The following CHST9 variants were observed in gnomAD, a reference collection of about 807,000 sequenced individuals.
The protein encoded by CHST9 is carbohydrate sulfotransferase 9.
A neutral mutation model predicts 44.4 loss-of-function variants in CHST9; 41 were observed. The ratio of observed to expected loss-of-function variants is 0.92; its 90% CI spans 0.72 to 1.20. CHST9 has a LOEUF of 1.20. Among genes scored for constraint, CHST9 ranks in the 50% most tolerant of loss-of-function variants. The pLI is 0.00. For missense variants in CHST9, 504 were observed against 516.5 expected (o/e 0.98, Z 0.23); for synonymous variants, 171 against 178.4 (o/e 0.96, Z 0.33).
chr18:27,035,437 T>C (rs2057380959), intron 3 of CHST9, among the ~76,000 whole-genome samples: 1 of 152,164 alleles, frequency 6.6e-6, no homozygotes, highest in South Asian at 2.1e-4. Context: ...ATGGAAACAA[T>C]CTAAATGTCT....
chr18:26,965,805 G>A lies in CHST9; in HGVS notation c.203-21439C>T, dbSNP rs549510236. Among the ~76,000 whole-genome samples, 25 of 152,274 alleles carry A rather than the reference G, an allele frequency of 1.6e-4. No homozygotes were observed. The South Asian group carries it at 3.7e-3, about 23-fold the overall frequency. On this transcript the variant is annotated intron_variant, in intron 4 of 5. Coordinates refer to ENST00000618847, the MANE Select transcript of CHST9 (RefSeq NM_031422.6). ...GCATCAGATGCTGAATAAACTCACA[G>A]AGATCAGAGCCTCATGGTCAACTGG... is the stretch of plus-strand genomic sequence containing the variant.
intron 3 of CHST9, among the ~76,000 whole-genome samples, chr18:27,029,585 T>C (rs2057319344): frequency 1.3e-5 from 2 of 152,184 alleles, no homozygotes; most frequent in Admixed American, 1.3e-4. Flanking sequence ...AATCTGTGAA[T>C]ACTCAAGTCC....
intron 5 of CHST9, among the ~76,000 whole-genome samples, chr18:26,918,318 G>A (rs750665365): frequency 2.0e-5 from 3 of 152,100 alleles, no homozygotes; most frequent in African/African-American, 4.8e-5. Flanking sequence ...ATGGTGTGGA[G>A]AGGAATGGAC....
chr18:27,084,471 T>A lies in CHST9; in HGVS notation c.122-35968A>T, dbSNP rs1351589295. Among the ~76,000 whole-genome samples the A allele has an allele frequency of 2.0e-5, 3 of 151,046 alleles. 1 individual carries two copies. Among genetic ancestry groups the A allele is most frequent in the South Asian group, 4.2e-4 (2 of 4,778 alleles). ...AACACTCGCTGGGTTTTTTTTTTTT[T>A]ATTTCTGTGGGGTTGCTGGTAATGC... On this transcript the variant is annotated intron_variant, in intron 2 of 5. Transcript: ENST00000618847.
chr18:27,004,355 T>TA (rs2056988269), intron 4 of CHST9, among the ~76,000 whole-genome samples: 1 of 145,174 alleles, frequency 6.9e-6, no homozygotes, highest in South Asian at 2.2e-4. Flanking sequence ...TTTTTTTTTT[T>TA]ATTATTATAT....
chr18:27,110,920 C>T (rs2058265469), intron 2 of CHST9, among the ~76,000 whole-genome samples: 1 of 152,248 alleles, frequency 6.6e-6, no homozygotes, highest in South Asian at 2.1e-4. Flanking sequence ...TTCAGAAACT[C>T]TGGAGATAGG....
At chr18:27,087,993 A>T (rs2058029503) in intron 2 of CHST9, among the ~76,000 whole-genome samples, 1 of 152,248 alleles carries the variant, frequency 6.6e-6, no homozygotes, top group South Asian at 2.1e-4. Context: ...CTTGTCAAAA[A>T]GCCAAACGCT....
chr18:27,088,278 GTCT>G (rs2058032369), intron 2 of CHST9, among the ~76,000 whole-genome samples: 1 of 151,870 alleles, frequency 6.6e-6, no homozygotes, highest in African/African-American at 2.4e-5. Flanking sequence ...ACCAAGAAAA[GTCT>G]TCTTTATGTT....
intron 4 of CHST9, among the ~76,000 whole-genome samples, chr18:27,013,790 T>C (rs1418178984): frequency 6.6e-6 from 1 of 152,220 alleles, no homozygotes; most frequent in Non-Finnish European, 1.5e-5. Context: ...TCCTAGATGA[T>C]CATTTATTTC....
chr18:27,081,634 A>G (rs1333446533), intron 2 of CHST9, among the ~76,000 whole-genome samples: 19 of 152,188 alleles, frequency 1.2e-4, no homozygotes, highest in Admixed American at 1.2e-3. Context: ...TACATTTAGT[A>G]TATTTATTAA....
At chr18:27,131,963 A>G (rs1197133249) in intron 2 of CHST9, among the ~76,000 whole-genome samples, 1 of 152,184 alleles carries the variant, frequency 6.6e-6, no homozygotes, top group Non-Finnish European at 1.5e-5. Flanking sequence ...GGGCCAACCA[A>G]TGTATACCTT....
chr18:26,989,875 G>A (rs770491706), intron 4 of CHST9, among the ~76,000 whole-genome samples: 17 of 152,240 alleles, frequency 1.1e-4, no homozygotes, highest in Middle Eastern at 6.8e-3. Flanking sequence ...GCTTGAACCT[G>A]GGAGGCAGAG....
intron 4 of CHST9, among the ~76,000 whole-genome samples, chr18:26,980,473 T>A (rs188498067): frequency 6.6e-6 from 1 of 152,174 alleles, no homozygotes; most frequent in Non-Finnish European, 1.5e-5. Context: ...TTCTTTACTC[T>A]GGAAACTTTG....
intron 5 of CHST9, among the ~76,000 whole-genome samples, chr18:26,927,510 G>T (rs1442371513): frequency 6.6e-6 from 1 of 152,078 alleles, no homozygotes. Context: ...TGGGGAGAGG[G>T]TCAGCAGGAA....
At chr18:27,153,957 T>C (rs2143906147) in intron 1 of CHST9, among the ~76,000 whole-genome samples, 1 of 152,254 alleles carries the variant, frequency 6.6e-6, no homozygotes, top group East Asian at 1.9e-4. Context: ...GCTGCCTTGA[T>C]GGAAGCCAGT....
intron 1 of CHST9, among the ~76,000 whole-genome samples, chr18:27,172,806 C>T (rs1266557892): frequency 6.6e-6 from 1 of 151,808 alleles, no homozygotes; most frequent in Non-Finnish European, 1.5e-5. Flanking sequence ...AATAACTATC[C>T]ATATTCTTAT....
intron 2 of CHST9, among the ~76,000 whole-genome samples, chr18:27,101,609 C>CAAAAA (rs888191371): frequency 6.8e-6 from 1 of 147,136 alleles, no homozygotes; most frequent in Middle Eastern, 3.5e-3. Flanking sequence ...GACTCTGTCT[C>CAAAAA]AAAAAAAATA....
intron 4 of CHST9, among the ~76,000 whole-genome samples, chr18:26,969,641 A>G (rs2056516104): frequency 6.6e-6 from 1 of 152,178 alleles, no homozygotes; most frequent in African/African-American, 2.4e-5. Context: ...AGGAGCATAC[A>G]AACAATTAGC....
At chr18:26,938,746 G>C (rs547817461) in intron 5 of CHST9, among the ~76,000 whole-genome samples, 1 of 152,264 alleles carries the variant, frequency 6.6e-6, no homozygotes, top group African/African-American at 2.4e-5. Flanking sequence ...AGAAGATCTG[G>C]ATCTCCCTGC....
Sources: allele counts gnomAD v4.1 joint callset (sites outside exome capture counted in the v4.1 genomes callset), GRCh38; gene constraint gnomAD v4.1.1; transcripts MANE v1.5; gene names NCBI Gene and HGNC (gene_info 2026-07-23, HGNC 2026-07-21).